FBN2: variants seen among roughly 807,000 people sequenced by gnomAD.
FBN2 encodes the protein fibrillin 2, also known as fibrillin-2.
FBN2 carries 105 observed loss-of-function variants against 355.6 expected under a neutral mutation model. The observed-to-expected ratio is 0.30, with a 90% CI of 0.25 to 0.35. The LOEUF (loss-of-function observed/expected upper bound fraction) is 0.35, where lower values mean the gene tolerates loss of function less well. Among genes scored for constraint, FBN2 ranks in the 10% least tolerant of loss-of-function variants. FBN2 has a pLI of 1.00. For synonymous variants in FBN2, 1,350 were observed against 1,301.2 expected, an observed-to-expected ratio of 1.04 and a Z score of -0.81; for missense variants, 3,280 against 3,758.7, an observed-to-expected ratio of 0.87 and a Z score of 3.33.
intron 10 of FBN2, among the ~76,000 whole-genome samples, chr5:128,392,819 C>G (rs1265313240): frequency 6.6e-6 from 1 of 152,148 alleles, no homozygotes. Flanking sequence ...GTGGTGTCAA[C>G]TGGATTGGAG....
intron 5 of FBN2, among the ~76,000 whole-genome samples, chr5:128,495,704 CA>C (rs748540771): frequency 2.0e-5 from 3 of 152,012 alleles, no homozygotes; most frequent in Non-Finnish European, 4.4e-5. Context: ...TCAACAAAAT[CA>C]AAAGGTGGTT....
intron 8 of FBN2, among the ~76,000 whole-genome samples, chr5:128,405,611 T>C (rs1380177899): frequency 2.6e-5 from 4 of 152,210 alleles, no homozygotes; most frequent in African/African-American, 9.7e-5. Context: ...GCAAGTTTTG[T>C]TTGACTAGAG....
chr5:128,271,390 T>C (rs1765263301), intron 62 of FBN2, among the ~76,000 whole-genome samples: 1 of 152,188 alleles, frequency 6.6e-6, no homozygotes, highest in African/African-American at 2.4e-5. Flanking sequence ...AGAATAATGT[T>C]CTCTTTGATC....
chr5:128,287,523 C>T, intron 53 of FBN2, 93 bp from the exon 54 acceptor site: 2 of 1,393,488 alleles, frequency 1.4e-6, no homozygotes, highest in South Asian at 1.2e-5. Context: ...CGGTCATACA[C>T]AAAGCAATAG....
At chr5:128,499,885 T>C (rs1358624517) in intron 5 of FBN2, among the ~76,000 whole-genome samples, 1 of 152,132 alleles carries the variant, frequency 6.6e-6, no homozygotes, top group Non-Finnish European at 1.5e-5. Flanking sequence ...TTCACAAACA[T>C]AAGGCTTTGC....
At chr5:128,501,599 A>G (rs1755817459) in intron 5 of FBN2, among the ~76,000 whole-genome samples, 2 of 152,212 alleles carry the variant, frequency 1.3e-5, no homozygotes, top group South Asian at 4.1e-4. Flanking sequence ...AAAGAAAATT[A>G]TGCATGATTT....
At chr5:128,494,527 C>A (rs144554519) in intron 5 of FBN2, among the ~76,000 whole-genome samples, 3 of 152,072 alleles carry the variant, frequency 2.0e-5, no homozygotes, top group African/African-American at 7.2e-5. Flanking sequence ...GCAATTTATA[C>A]CCCAGGGCAT....
intron 7 of FBN2, among the ~76,000 whole-genome samples, chr5:128,433,851 A>C (rs981132630): frequency 8.5e-5 from 13 of 152,226 alleles, no homozygotes; most frequent in Admixed American, 7.2e-4. Context: ...GTAATATGTG[A>C]AATATGAAAC....
intron 55 of FBN2, 55 bp downstream of exon 55, chr5:128,286,663 A>G: frequency 6.2e-7 from 1 of 1,606,204 alleles, no homozygotes; most frequent in Non-Finnish European, 8.5e-7. Context: ...TAGTGCCATT[A>G]ATGAGGCTGG....
Position 128,518,189 on chromosome 5 carries a change from C to A in FBN2, c.628+1084G>T, listed in dbSNP as rs565437631. On this transcript the variant is annotated intron_variant, in intron 5 of 64. Coordinates refer to ENST00000262464, the MANE Select transcript of FBN2 (RefSeq NM_001999.4). ...CCCCTCTCCCCACTGCACTGCCCTGCACCGCAACTCAGCTCAACCTAAAAG... is the reference window on the plus strand; with the variant it reads ...CCCCTCTCCCCACTGCACTGCCCTGAACCGCAACTCAGCTCAACCTAAAAG... 1.1e-4 allele frequency among the ~76,000 whole-genome samples: 17 copies of A among 152,282 alleles called. No homozygotes were observed. The South Asian group carries it at 3.3e-3, about 30-fold the overall frequency.
intron 5 of FBN2, among the ~76,000 whole-genome samples, chr5:128,495,614 C>G (rs1361502836): frequency 1.3e-5 from 2 of 151,854 alleles, no homozygotes; most frequent in Non-Finnish European, 2.9e-5. Context: ...CTAACTTGAC[C>G]TAATGCAATC....
chr5:128,393,699 A>C (rs1326346360), intron 9 of FBN2, among the ~76,000 whole-genome samples: 1 of 152,258 alleles, frequency 6.6e-6, no homozygotes, highest in East Asian at 1.9e-4. Context: ...GTACAGATAA[A>C]AGTTAAAGCT....
chr5:128,390,305 C>A (rs1336182059), intron 11 of FBN2, among the ~76,000 whole-genome samples: 3 of 152,074 alleles, frequency 2.0e-5, no homozygotes, highest in African/African-American at 7.2e-5. Flanking sequence ...CTCTGGGAGA[C>A]CATTGAGATC....
chr5:128,361,670 T>C, intron 19 of FBN2, 53 bp downstream of exon 19: 2 of 1,599,826 alleles, frequency 1.3e-6, no homozygotes, highest in Non-Finnish European at 8.6e-7. Context: ...TTGATGTTTA[T>C]ACAACTCCAG....
intron 6 of FBN2, among the ~76,000 whole-genome samples, chr5:128,451,463 G>A (rs571884903): frequency 2.9e-4 from 44 of 152,054 alleles, no homozygotes; most frequent in South Asian, 6.2e-4. Context: ...GCAATGGTGC[G>A]ATCTCGGCTC....
chr5:128,275,393 C>T (rs980239503), intron 59 of FBN2, among the ~76,000 whole-genome samples: 1 of 150,766 alleles, frequency 6.6e-6, no homozygotes, highest in African/African-American at 2.4e-5. Flanking sequence ...TACAACTGAA[C>T]ATAAACAATG....
intron 34 of FBN2, chr5:128,328,390 A>C: frequency 3.4e-6 from 2 of 589,774 alleles, no homozygotes. Flanking sequence ...AAAGCTGAAT[A>C]GTTTCTCCAC....
intron 36 of FBN2, among the ~76,000 whole-genome samples, chr5:128,315,416 T>G (rs1324896803): frequency 6.6e-6 from 1 of 152,206 alleles, no homozygotes; most frequent in East Asian, 1.9e-4. Context: ...AACACATCTC[T>G]AATAGGTTCT....
intron 5 of FBN2, among the ~76,000 whole-genome samples, chr5:128,467,080 GCA>G (rs1172372869): frequency 6.6e-6 from 1 of 152,080 alleles, no homozygotes; most frequent in East Asian, 1.9e-4. Flanking sequence ...AATGAAATCT[GCA>G]CAGTCTCCCT....
Sources: allele counts gnomAD v4.1 joint callset (sites outside exome capture counted in the v4.1 genomes callset), GRCh38; gene constraint gnomAD v4.1.1; transcripts MANE v1.5; gene names NCBI Gene and HGNC (gene_info 2026-07-23, HGNC 2026-07-21).